The following TRAF3 variants were observed in gnomAD, a reference collection of about 807,000 sequenced individuals.
TRAF3 encodes TNF receptor-associated factor 3.
TRAF3 carries 13 observed loss-of-function variants against 62.3 expected under a neutral mutation model. That is an observed-to-expected ratio of 0.21 (90% CI 0.14 to 0.33). The LOEUF (loss-of-function observed/expected upper bound fraction) is 0.33, where lower values mean the gene tolerates loss of function less well. TRAF3 is among the 10% of genes least tolerant of loss of function. The pLI, the probability that TRAF3 is intolerant of heterozygous loss-of-function variation, is 1.00. For missense variants in TRAF3, 440 were observed against 741.8 expected, an observed-to-expected ratio of 0.59 and a Z score of 4.73; for synonymous variants, 269 against 283.4, an observed-to-expected ratio of 0.95 and a Z score of 0.51.
rs751621778 is a variant in TRAF3 at position 102,886,201 on chromosome 14, A to G, written c.583A>G (p.Thr195Ala). Reference protein sequence around the residue: ...PMIALQKHEDTDCPCVVVSCP... With the variant: ...PMIALQKHEDADCPCVVVSCP... ...TCTCTCTCTGTAGAAACACGAAGACACCGACTGTCCCTGCGTGGTGGTGTC... is the reference window on the plus strand; with the variant it reads ...TCTCTCTCTGTAGAAACACGAAGACGCCGACTGTCCCTGCGTGGTGGTGTC... The change falls in exon 7 of 12, where the codon ACC becomes GCC. Residue 195 changes from threonine to alanine, a missense_variant. By Grantham distance (58) the Thr-to-Ala change is moderately conservative. Around this residue, in one of 6 missense-constraint regions of TRAF3, gnomAD observed 255 missense variants for 424.1 expected, o/e 0.60. Transcript: ENST00000392745. The G allele has an allele frequency of 6.2e-7, 1 of 1,613,144 alleles. No homozygotes were observed. Among genetic ancestry groups the G allele is most frequent in the Non-Finnish European group, 8.5e-7 (1 of 1,179,574 alleles).
chr14:102,824,984 G>A (rs542308957), intron 1 of TRAF3, among the ~76,000 whole-genome samples: 8 of 152,340 alleles, frequency 5.3e-5, no homozygotes, highest in African/African-American at 1.9e-4. Context: ...AATGCATTCA[G>A]TCAGTTGAAA....
At chr14:102,897,205 G>A in intron 9 of TRAF3, 56 bp from the exon 10 acceptor site, 1 of 1,502,956 alleles carries the variant, frequency 6.7e-7, no homozygotes, top group South Asian at 1.2e-5. Flanking sequence ...TGATATTGTT[G>A]TTAATTAATA....
rs118182397 is a variant in TRAF3, at chr14:102,825,861, T to C, written c.-156-4473T>C. ...CTTTTAAACTGCTTGAGTGAGTCTC[T>C]CTGAAGCACGGTGATGGCAAAAGGA... is the stretch of plus-strand genomic sequence containing the variant. On this transcript the variant is annotated intron_variant, in intron 1 of 11. Coordinates refer to ENST00000392745, the MANE Select transcript of TRAF3 (RefSeq NM_145725.3). Among the ~76,000 whole-genome samples the C allele has an allele frequency of 2.0e-5, 3 of 152,328 alleles. No individual in the cohort carries two copies. The East Asian group carries it at 5.8e-4, about 29-fold the overall frequency.
chr14:102,874,000 C>T (rs756507540), intron 4 of TRAF3, among the ~76,000 whole-genome samples: 1 of 152,250 alleles, frequency 6.6e-6, no homozygotes, highest in East Asian at 1.9e-4. Flanking sequence ...TGCCTTATGC[C>T]TGGGATCCCA....
rs1890063482 is a variant in TRAF3 at position 102,897,469 on chromosome 14, TC to T, written c.960+69del. ...CTTGCCTGTGTTCCCCTTAAGGGTT[TC>T]TTAGCAAACTCTTTGAGCTGAGTCC... On this transcript the variant is annotated intron_variant, in intron 10 of 11. Coordinates refer to ENST00000392745, the MANE Select transcript of TRAF3 (RefSeq NM_145725.3). The T allele has an allele frequency of 3.8e-6, 6 of 1,593,720 alleles. No individual in the cohort carries two copies. In the African/African-American group the frequency reaches 4.0e-5, roughly 11 times the overall value.
At chr14:102,819,607 T>C (rs1335365909) in intron 1 of TRAF3, among the ~76,000 whole-genome samples, 1 of 152,224 alleles carries the variant, frequency 6.6e-6, no homozygotes, top group East Asian at 1.9e-4. Context: ...TGTTACCATC[T>C]CTGGCCAGTG....
intron 10 of TRAF3, among the ~76,000 whole-genome samples, chr14:102,899,821 T>G (rs1296576715): frequency 6.6e-6 from 1 of 152,200 alleles, no homozygotes; most frequent in Non-Finnish European, 1.5e-5. Flanking sequence ...TTTGCTTTTT[T>G]GCCTGTCCGG....
chr14:102,884,665 G>T (rs2139907108), intron 6 of TRAF3, among the ~76,000 whole-genome samples: 1 of 152,138 alleles, frequency 6.6e-6, no homozygotes, highest in South Asian at 2.1e-4. Context: ...CAAAAAATTA[G>T]CTGGGCACGG....
At chr14:102,880,486 AG>A in intron 6 of TRAF3, among the ~76,000 whole-genome samples, 1 of 152,362 alleles carries the variant, frequency 6.6e-6, no homozygotes, top group Non-Finnish European at 1.5e-5. Flanking sequence ...GCAGAGAAAA[AG>A]GAATGCTTTT....
At chr14:102,846,547 A>T (rs1595358279) in intron 2 of TRAF3, among the ~76,000 whole-genome samples, 1 of 150,800 alleles carries the variant, frequency 6.6e-6, no homozygotes, top group African/African-American at 2.4e-5. Flanking sequence ...TCATGCCTGT[A>T]ATCCCAGCAC....
At chr14:102,849,931 A>G (rs941104409) in intron 2 of TRAF3, among the ~76,000 whole-genome samples, 5 of 152,000 alleles carry the variant, frequency 3.3e-5, no homozygotes, top group Non-Finnish European at 7.4e-5. Flanking sequence ...GCTTTTCTCC[A>G]TGTGTGTCGT....
At chr14:102,862,445 T>C (rs1887736118) in intron 2 of TRAF3, among the ~76,000 whole-genome samples, 1 of 152,108 alleles carries the variant, frequency 6.6e-6, no homozygotes, top group Non-Finnish European at 1.5e-5. Context: ...GATTTTTTTC[T>C]TTCAGCCCTT....
chr14:102,875,608 G>A lies in TRAF3; in HGVS notation c.298-16G>A. The A allele has an allele frequency of 1.9e-6, 3 of 1,602,058 alleles. No homozygotes were observed. Among genetic ancestry groups the A allele is most frequent in the Non-Finnish European group, 2.6e-6 (3 of 1,170,504 alleles). ...AGAAATATTAATCCTCCAAAATAAT[G>A]ATCTTTCATTTTCAGGTGTTTAAGG... On this transcript the variant is annotated splice_polypyrimidine_tract_variant and intron_variant, in intron 4 of 11. Coordinates refer to ENST00000392745, the MANE Select transcript of TRAF3 (RefSeq NM_145725.3).
At chr14:102,860,162 A>G (rs546465875) in intron 2 of TRAF3, among the ~76,000 whole-genome samples, 1 of 152,318 alleles carries the variant, frequency 6.6e-6, no homozygotes, top group East Asian at 1.9e-4. Context: ...ACACACAAAG[A>G]TCCAAGTATC....
chr14:102,906,081 T>C lies in TRAF3; in HGVS notation c.*297T>C, dbSNP rs1890572799. 9.9e-6 allele frequency: 3 copies of C among 303,322 alleles called. No individual in the cohort carries two copies. Among genetic ancestry groups the C allele is most frequent in the African/African-American group, 2.1e-5 (1 of 47,118 alleles). 18.8% of individuals were successfully genotyped at this position (303,322 alleles called of 1,614,324 possible). A position where few individuals can be genotyped will look rare whatever the true frequency, so the allele number is the denominator to read the frequency against. The stretch of plus-strand genomic sequence containing the variant: ...CTAGTTAATTAAGGTGGAAAACATA[T>C]ATGCTAAACAAAAGAAACATGATTT... On this transcript the variant is annotated 3_prime_UTR_variant, in exon 12 of 12. Transcript: ENST00000392745.
chr14:102,886,067 C>T, intron 6 of TRAF3, 122 bp from the exon 7 acceptor site: 1 of 805,894 alleles, frequency 1.2e-6, no homozygotes, highest in Non-Finnish European at 2.1e-6. Flanking sequence ...AATGTGAGTG[C>T]CATAACTTAG....
At chr14:102,843,453 T>C (rs1197961635) in intron 2 of TRAF3, among the ~76,000 whole-genome samples, 3 of 151,878 alleles carry the variant, frequency 2.0e-5, no homozygotes, top group African/African-American at 7.2e-5. Flanking sequence ...TCCTCCTGCC[T>C]CAGCCTCCCT....
intron 10 of TRAF3, among the ~76,000 whole-genome samples, chr14:102,898,122 C>T (rs1159466265): frequency 6.6e-6 from 1 of 152,106 alleles, no homozygotes; most frequent in Admixed American, 6.5e-5. Context: ...ACGGTGTGTC[C>T]CTAGATTATC....
chr14:102,876,498 G>A lies in TRAF3; in HGVS notation c.543G>A (p.Lys181=), dbSNP rs2139857949. The change falls in exon 6 of 12, where the codon AAG becomes AAA. Residue 181 remains lysine, a synonymous_variant. Transcript: ENST00000392745. ...GGGAAGCCACATGCAGCCACTGCAA[G>A]AGTCAGGTTCCGATGATCGCGCTGC... ...KYREATCSHC[K]SQVPMIALQK... 6.2e-7 allele frequency: 1 copy of A among 1,614,120 alleles called. No homozygotes were observed. The highest frequency in any genetic ancestry group is 8.5e-7 in the Non-Finnish European group (1 of 1,180,004).
Sources: gnomAD v4.1 joint callset for allele counts (sites outside exome capture counted in the v4.1 genomes callset) on GRCh38, gnomAD v4.1.1 for gene constraint, gnomAD v4.1.1 regional missense constraint, MANE v1.5 for transcripts, NCBI Gene and HGNC (gene_info 2026-07-23, HGNC 2026-07-21) for gene names.